The following TRAPPC9 variants were observed in gnomAD, a reference collection of about 807,000 sequenced individuals.
TRAPPC9 encodes IKK2 binding protein.
In TRAPPC9, 83 loss-of-function variants were observed where a neutral mutation model predicts 124.0. That is an observed-to-expected ratio of 0.67 (90% confidence interval 0.56 to 0.80). The LOEUF (loss-of-function observed/expected upper bound fraction) is 0.80, where lower values mean the gene tolerates loss of function less well. TRAPPC9 is among the 30% of genes least tolerant of loss of function. The pLI, the probability that TRAPPC9 is intolerant of heterozygous loss-of-function variation, is 0.00. For missense variants in TRAPPC9, 1,302 were observed against 1,508.3 expected, an observed-to-expected ratio of 0.86 and a Z score of 2.27; for synonymous variants, 638 against 617.5, an observed-to-expected ratio of 1.03 and a Z score of -0.49.
chr8:140,225,698 G>A (rs182724281), intron 16 of TRAPPC9, among the ~76,000 whole-genome samples: 1 of 152,260 alleles, frequency 6.6e-6, no homozygotes, highest in East Asian at 1.9e-4. Context: ...CACTCAATGT[G>A]ACTTCACCCA....
chr8:139,731,866 T>C, intron 22 of TRAPPC9, 113 bp downstream of exon 22: 2 of 997,252 alleles, frequency 2.0e-6, no homozygotes, highest in Non-Finnish European at 3.1e-6. Context: ...ACAGAACCCC[T>C]GCTGCTATCG....
rs189420350 is a variant in TRAPPC9 at position 140,033,388 on chromosome 8, T to A, written c.2557-9309A>T. 4.7e-3 allele frequency among the ~76,000 whole-genome samples: 718 copies of A among 152,288 alleles called. 6 individuals are homozygous for A. Among genetic ancestry groups the A allele is most frequent in the African/African-American group, 0.016 (675 of 41,556 alleles). The stretch of plus-strand genomic sequence containing the variant: ...AAATGTGTAGAAACAAATCTCGGCA[T>A]TGACCATACATTATTTTGAGGTGGG... On this transcript the variant is annotated intron_variant, in intron 17 of 22. Transcript: ENST00000438773.
chr8:139,915,955 T>C (rs958662097), intron 19 of TRAPPC9, among the ~76,000 whole-genome samples: 4 of 152,224 alleles, frequency 2.6e-5, no homozygotes, highest in Admixed American at 6.5e-5. Context: ...CTTGGCACTT[T>C]GAAATGCTCT....
intron 21 of TRAPPC9, among the ~76,000 whole-genome samples, chr8:139,838,178 G>A (rs1184577352): frequency 6.6e-6 from 1 of 152,124 alleles, no homozygotes; most frequent in Admixed American, 6.5e-5. Flanking sequence ...GCCTCTTCTT[G>A]TGACTGGATA....
At chr8:139,952,303 T>TTTATTA (rs1019018418) in intron 19 of TRAPPC9, among the ~76,000 whole-genome samples, 5 of 152,126 alleles carry the variant, frequency 3.3e-5, no homozygotes, top group African/African-American at 1.2e-4. Context: ...AGGAAATCAT[T>TTTATTA]TTATTATTAT....
chr8:139,891,668 A>G (rs898581796), intron 20 of TRAPPC9, among the ~76,000 whole-genome samples: 24 of 152,116 alleles, frequency 1.6e-4, no homozygotes, highest in African/African-American at 5.1e-4. Flanking sequence ...GTTATCATCA[A>G]ACTCGGGGCT....
intron 4 of TRAPPC9, among the ~76,000 whole-genome samples, chr8:140,431,788 A>C (rs1468732450): frequency 6.6e-6 from 1 of 152,192 alleles, no homozygotes; most frequent in African/African-American, 2.4e-5. Flanking sequence ...AGGCTTTTCC[A>C]TGACACCACA....
At chr8:140,221,321 A>C in intron 17 of TRAPPC9, 138 bp downstream of exon 17, 1 of 1,332,302 alleles carries the variant, frequency 7.5e-7, no homozygotes, top group Non-Finnish European at 1.1e-6. Context: ...ATTGTCCAAG[A>C]ACAAAGAATA....
chr8:139,766,727 C>T (rs1820607975), intron 21 of TRAPPC9, among the ~76,000 whole-genome samples: 1 of 152,220 alleles, frequency 6.6e-6, no homozygotes, highest in Non-Finnish European at 1.5e-5. Context: ...CCTGAGGTCA[C>T]TCACTGGAGG....
chr8:140,280,406 C>T (rs565424323), intron 14 of TRAPPC9, among the ~76,000 whole-genome samples: 1 of 152,110 alleles, frequency 6.6e-6, no homozygotes, highest in Non-Finnish European at 1.5e-5. Context: ...TCACTGATAC[C>T]TATTGTTTTT....
intron 21 of TRAPPC9, among the ~76,000 whole-genome samples, chr8:139,870,551 G>A (rs960178548): frequency 6.6e-6 from 1 of 152,186 alleles, no homozygotes; most frequent in Non-Finnish European, 1.5e-5. Context: ...GTAAATAAAG[G>A]AGGATGCATC....
chr8:139,731,062 C>G lies in TRAPPC9; in HGVS notation c.3446G>C (p.Ter1149SerextTer14). The G allele has an allele frequency of 6.2e-7, 1 of 1,612,412 alleles. No homozygotes were observed. ...VHVCALEAQA[*>S] ...AAAGAGGGACGGAAGTAGGCGGGCT[C>G]AGGCCTGCGCCTCCAGGGCACACAC... Residue 1149 changes from the stop codon to serine, a stop_lost, in exon 23 of 23, where the codon TGA becomes TCA. Transcript: ENST00000438773.
intron 18 of TRAPPC9, among the ~76,000 whole-genome samples, chr8:140,010,690 T>G (rs959683118): frequency 2.0e-5 from 3 of 152,196 alleles, no homozygotes; most frequent in Non-Finnish European, 2.9e-5. Flanking sequence ...AGATATTCAA[T>G]GATGTCTATG....
At position 140,241,098 on chromosome 8, in the gene TRAPPC9, C is replaced by T. The variant is rs1365483182; in HGVS notation, c.2431+11679G>A. Among the ~76,000 whole-genome samples the T allele has an allele frequency of 6.6e-6, 1 of 152,178 alleles. No individual in the cohort carries two copies. The highest frequency in any genetic ancestry group is 2.4e-5 in the African/African-American group (1 of 41,448). Reference sequence around the variant, plus strand: ...GCATCCAGCTCATCTTTAGTCAGGACCTGTTCAAAGACCATTCAGGCCGGG... The same window carrying T: ...GCATCCAGCTCATCTTTAGTCAGGATCTGTTCAAAGACCATTCAGGCCGGG... On this transcript the variant is annotated intron_variant, in intron 16 of 22. Transcript: ENST00000438773. This position sits in a 1 kb window ranked among gnomAD's most constrained non-coding sequence, Gnocchi z 5.0.
intron 19 of TRAPPC9, among the ~76,000 whole-genome samples, chr8:139,940,001 C>T (rs1833804254): frequency 6.6e-6 from 1 of 152,212 alleles, no homozygotes; most frequent in South Asian, 2.1e-4. Context: ...TATATTTTTA[C>T]AATGACAGCT....
intron 9 of TRAPPC9, among the ~76,000 whole-genome samples, chr8:140,327,955 T>C (rs1462087019): frequency 6.6e-6 from 1 of 152,188 alleles, no homozygotes; most frequent in Non-Finnish European, 1.5e-5. Context: ...AAAATCAATG[T>C]AAAAATAATT....
intron 14 of TRAPPC9, among the ~76,000 whole-genome samples, chr8:140,283,014 GA>G (rs1169798416): frequency 4.6e-5 from 7 of 152,044 alleles, no homozygotes; most frequent in African/African-American, 1.7e-4. Flanking sequence ...AAGATGGGTG[GA>G]TTGTTTGAAC....
chr8:140,427,794 G>A (rs1290358629), intron 4 of TRAPPC9, among the ~76,000 whole-genome samples: 1 of 152,172 alleles, frequency 6.6e-6, no homozygotes, highest in Non-Finnish European at 1.5e-5. Flanking sequence ...GCTATTTTGT[G>A]TACAGCCATC....
chr8:140,376,553 TAAAAAAAA>T (rs34319639), intron 7 of TRAPPC9, among the ~76,000 whole-genome samples: 8 of 49,722 alleles, frequency 1.6e-4, no homozygotes, highest in Non-Finnish European at 2.9e-4. Flanking sequence ...AGACTCCATC[TAAAAAAAA>T]AAAAAAAAAA....
Sources: gnomAD v4.1 joint callset for allele counts (sites outside exome capture counted in the v4.1 genomes callset) on GRCh38, gnomAD v4.1.1 for gene constraint, Gnocchi (gnomAD v3.1) non-coding constraint, MANE v1.5 for transcripts, NCBI Gene and HGNC (gene_info 2026-07-23, HGNC 2026-07-21) for gene names.